Variants in PGBD5 observed in about 807,000 individuals in gnomAD.
PGBD5 encodes piggyBac transposable element derived 5, also known as piggyBac transposable element-derived protein 5.
PGBD5 carries 14 observed loss-of-function variants against 47.9 expected under a neutral mutation model. That is an observed-to-expected ratio of 0.29 (90% CI 0.19 to 0.46). The LOEUF (loss-of-function observed/expected upper bound fraction) is 0.46, where lower values mean the gene tolerates loss of function less well. PGBD5 is among the 20% of genes least tolerant of loss of function. The pLI, the probability that PGBD5 is intolerant of heterozygous loss-of-function variation, is 1.00. For synonymous variants in PGBD5, 316 were observed against 306.3 expected (o/e 1.03, Z -0.33); for missense variants, 635 against 716.0 (o/e 0.89, Z 1.29).
chr1:230,366,843 G>A (rs181932862), intron 1 of PGBD5, among the ~76,000 whole-genome samples: 51 of 152,148 alleles, frequency 3.4e-4, no homozygotes, highest in East Asian at 1.4e-3. Context: ...CCCGGGAGCC[G>A]ACGTACAGAT....
In PGBD5 at chr1:230,415,854, A is replaced by G. The variant is rs868255486; in HGVS notation, c.331+9744T>C. Among the ~76,000 whole-genome samples, 5 of 152,128 alleles carry G rather than the reference A, an allele frequency of 3.3e-5. No homozygotes were observed. The South Asian group carries it at 1.0e-3, about 32-fold the overall frequency. ...CTGACCCACATATACCATGTTCCAC[A>G]CTCATTGCTCTAATATGATTCTTCC... is the stretch of plus-strand genomic sequence containing the variant. On this transcript the variant is annotated intron_variant, in intron 1 of 6. Coordinates refer to ENST00000391860, the MANE Select transcript of PGBD5 (RefSeq NM_001258311.2).
intron 1 of PGBD5, among the ~76,000 whole-genome samples, chr1:230,381,942 AC>A (rs1391976486): frequency 6.6e-6 from 1 of 152,078 alleles, no homozygotes; most frequent in Non-Finnish European, 1.5e-5. Context: ...CTCAGCTGCA[AC>A]CCTTTTCATG....
rs2102818928 is a variant in PGBD5, at chr1:230,337,243, C to T, written c.940G>A (p.Ala314Thr). ...KEGGGPDGLD[A>T]LKNKPQLHSM... is the part of the protein sequence containing the mutation. Reference sequence around the variant, plus strand: ...TGGAGCTGGGGCTTATTCTTCAGCGCATCCAGGCCATCTGGGCCCCCACCT... The same window carrying T: ...TGGAGCTGGGGCTTATTCTTCAGCGTATCCAGGCCATCTGGGCCCCCACCT... Residue 314 changes from alanine (A) to threonine (T), a missense_variant, in exon 4 of 7, where the codon GCG becomes ACG. By Grantham distance (58) the Ala-to-Thr change is moderately conservative. Coordinates refer to ENST00000391860, the MANE Select transcript of PGBD5 (RefSeq NM_001258311.2). The T allele has an allele frequency of 2.5e-6, 4 of 1,613,902 alleles. No individual in the cohort carries two copies. In the East Asian group the frequency reaches 6.7e-5, roughly 27 times the overall value.
chr1:230,405,345 TCTCTC>T, intron 1 of PGBD5, among the ~76,000 whole-genome samples: 1 of 152,214 alleles, frequency 6.6e-6, no homozygotes. Context: ...TCCTCATCCT[TCTCTC>T]CTCAGCCTTC....
intron 3 of PGBD5, among the ~76,000 whole-genome samples, 167 bp from the exon 4 acceptor site, chr1:230,337,455 A>G (rs368361086): frequency 6.6e-6 from 1 of 152,120 alleles, no homozygotes; most frequent in African/African-American, 2.4e-5. Context: ...ACCCCCAAGC[A>G]CACCCCGTGG....
chr1:230,347,288 G>C (rs1428824427), intron 3 of PGBD5, among the ~76,000 whole-genome samples: 1 of 152,046 alleles, frequency 6.6e-6, no homozygotes, highest in Non-Finnish European at 1.5e-5. Context: ...GTGGGAGAGT[G>C]GGAGGAAGAG....
intron 3 of PGBD5, among the ~76,000 whole-genome samples, chr1:230,349,280 C>T (rs750852544): frequency 6.6e-6 from 1 of 152,122 alleles, no homozygotes; most frequent in Non-Finnish European, 1.5e-5. Flanking sequence ...GTAATCTCAG[C>T]ATTTTGGGAG....
At chr1:230,392,552 C>T (rs1317753920) in intron 1 of PGBD5, among the ~76,000 whole-genome samples, 1 of 152,228 alleles carries the variant, frequency 6.6e-6, no homozygotes, top group Non-Finnish European at 1.5e-5. Context: ...GGGAGGGCAG[C>T]TGCTTTGGAA....
intron 5 of PGBD5, among the ~76,000 whole-genome samples, 177 bp downstream of exon 5, chr1:230,332,667 T>G (rs991375230): frequency 4.6e-5 from 7 of 152,154 alleles, no homozygotes; most frequent in Non-Finnish European, 1.0e-4. Flanking sequence ...CCCCGCTGCT[T>G]CCACACAGCC....
chr1:230,365,383 T>G (rs1001695752), intron 1 of PGBD5, among the ~76,000 whole-genome samples: 4 of 151,340 alleles, frequency 2.6e-5, no homozygotes, highest in Non-Finnish European at 5.9e-5. Context: ...AGAGGTCACA[T>G]GACAAAGGGC....
chr1:230,369,503 A>T (rs1332453045), intron 1 of PGBD5, among the ~76,000 whole-genome samples: 1 of 152,120 alleles, frequency 6.6e-6, no homozygotes, highest in Non-Finnish European at 1.5e-5. Flanking sequence ...GGTGCAATCC[A>T]TTACCTGCTT....
At chr1:230,393,365 CG>C (rs1311303220) in intron 1 of PGBD5, among the ~76,000 whole-genome samples, 1 of 151,170 alleles carries the variant, frequency 6.6e-6, no homozygotes, top group Non-Finnish European at 1.5e-5. Context: ...AGACCACTGG[CG>C]GGGATGCGAG....
intron 3 of PGBD5, among the ~76,000 whole-genome samples, chr1:230,344,542 C>A (rs939722158): frequency 6.6e-6 from 1 of 152,194 alleles, no homozygotes; most frequent in Non-Finnish European, 1.5e-5. Context: ...CTTTCCTGAA[C>A]GCCAGAAGCA....
At chr1:230,400,450 G>C (rs1370755560) in intron 1 of PGBD5, among the ~76,000 whole-genome samples, 15 of 151,786 alleles carry the variant, frequency 9.9e-5, no homozygotes, top group Non-Finnish European at 1.3e-4. Context: ...ACCCACTCTA[G>C]AATGTGTGCT....
intron 1 of PGBD5, among the ~76,000 whole-genome samples, chr1:230,369,981 C>A (rs1667901807): frequency 1.3e-5 from 2 of 152,234 alleles, no homozygotes; most frequent in African/African-American, 4.8e-5. Flanking sequence ...TGCACCCCAG[C>A]CACTGTCCGC....
At chr1:230,384,138 C>T (rs887604337) in intron 1 of PGBD5, among the ~76,000 whole-genome samples, 6 of 152,238 alleles carry the variant, frequency 3.9e-5, no homozygotes, top group Non-Finnish European at 7.4e-5. Context: ...TCGGAGCAAC[C>T]GGGGAAGTAT....
intron 2 of PGBD5, among the ~76,000 whole-genome samples, chr1:230,353,492 G>C (rs1667589384): frequency 6.6e-6 from 1 of 152,174 alleles, no homozygotes; most frequent in South Asian, 2.1e-4. Flanking sequence ...AAGACTCTAA[G>C]ACCAAACTCG....
At chr1:230,363,475 G>A (rs185801446) in intron 1 of PGBD5, among the ~76,000 whole-genome samples, 20 of 152,168 alleles carry the variant, frequency 1.3e-4, no homozygotes, top group Admixed American at 3.9e-4. Flanking sequence ...CCAGCTACTC[G>A]GAAGGCCAAG....
At chr1:230,353,139 C>T (rs761374191) in intron 2 of PGBD5, among the ~76,000 whole-genome samples, 3 of 152,158 alleles carry the variant, frequency 2.0e-5, no homozygotes, top group African/African-American at 7.2e-5. Flanking sequence ...CAGCACGGAA[C>T]AGCATGCTCC....
Sources: allele counts gnomAD v4.1 joint callset (sites outside exome capture counted in the v4.1 genomes callset), GRCh38; gene constraint gnomAD v4.1.1; transcripts MANE v1.5; gene names NCBI Gene and HGNC (gene_info 2026-07-23, HGNC 2026-07-21).